Variants in PLCB4 observed in about 807,000 individuals in gnomAD.
The protein encoded by PLCB4 is 1-phosphatidylinositol 4,5-bisphosphate phosphodiesterase beta-4.
In PLCB4, 77 loss-of-function variants were observed where a neutral mutation model predicts 178.8. The observed-to-expected ratio is 0.43, with a 90% CI of 0.36 to 0.52. PLCB4 has a LOEUF of 0.52. Ranked by LOEUF, PLCB4 falls within the 20% of genes least tolerant of loss-of-function variation. The pLI is 0.00. For synonymous variants in PLCB4, 496 were observed against 490.8 expected (o/e 1.01, Z -0.14); for missense variants, 1,024 against 1,453.4 (o/e 0.70, Z 4.80).
chr20:9,401,473 A>G lies in PLCB4; in HGVS notation c.1511-17A>G, dbSNP rs767973940. ...AGTGGTTTGGTGTCATGGATTTTCC[A>G]TTTGTCTTTCACACAGCTGACCAAG... On this transcript the variant is annotated splice_polypyrimidine_tract_variant and intron_variant, in intron 19 of 39. Transcript: ENST00000378473. 1 of 1,587,622 alleles carries G rather than the reference A, an allele frequency of 6.3e-7. No individual in the cohort carries two copies. Among genetic ancestry groups the G allele is most frequent in the Non-Finnish European group, 8.6e-7 (1 of 1,156,424 alleles).
At chr20:9,148,768 A>G (rs1404560314) in intron 2 of PLCB4, among the ~76,000 whole-genome samples, 1 of 152,206 alleles carries the variant, frequency 6.6e-6, no homozygotes, top group East Asian at 1.9e-4. Context: ...TAGCACTGTC[A>G]AAGTAGCTGT....
chr20:9,358,333 C>CA (rs1186744016), intron 7 of PLCB4, among the ~76,000 whole-genome samples: 2 of 152,206 alleles, frequency 1.3e-5, no homozygotes, highest in African/African-American at 4.8e-5. Context: ...TCTGTGAAAA[C>CA]AGAGAGCCAA....
At chr20:9,273,446 G>T (rs1156973025) in intron 3 of PLCB4, among the ~76,000 whole-genome samples, 1 of 152,050 alleles carries the variant, frequency 6.6e-6, no homozygotes, top group Non-Finnish European at 1.5e-5. Flanking sequence ...AATTTTTGCA[G>T]TCTGACTCCA....
intron 32 of PLCB4, among the ~76,000 whole-genome samples, chr20:9,448,359 G>A (rs954316680): frequency 6.6e-6 from 1 of 152,110 alleles, no homozygotes; most frequent in African/African-American, 2.4e-5. Flanking sequence ...AAAATGACCT[G>A]CTGATGAAGA....
At chr20:9,426,161 T>C (rs943256116) in intron 28 of PLCB4, among the ~76,000 whole-genome samples, 1 of 152,226 alleles carries the variant, frequency 6.6e-6, no homozygotes, top group South Asian at 2.1e-4. Context: ...CTCATCAATA[T>C]ACATCATTAG....
At chr20:9,359,709 G>C (rs575472966) in intron 7 of PLCB4, among the ~76,000 whole-genome samples, 68 of 152,284 alleles carry the variant, frequency 4.5e-4, no homozygotes, top group Non-Finnish European at 8.4e-4. Context: ...CCAAGGACTG[G>C]AAAATGCGCT....
intron 32 of PLCB4, among the ~76,000 whole-genome samples, chr20:9,452,415 C>T (rs1224134001): frequency 1.3e-5 from 2 of 152,232 alleles, no homozygotes; most frequent in East Asian, 3.9e-4. Flanking sequence ...ACAACATGTA[C>T]ACCCATTCCA....
chr20:9,160,687 G>C (rs77932166), intron 2 of PLCB4, among the ~76,000 whole-genome samples: 3,455 of 152,268 alleles, frequency 0.023, 129 homozygotes, highest in African/African-American at 0.078. Context: ...CCGAGGTAAT[G>C]GTGGAGGTAA....
At chr20:9,086,648 T>C (rs939043946) in intron 1 of PLCB4, among the ~76,000 whole-genome samples, 1 of 152,088 alleles carries the variant, frequency 6.6e-6, no homozygotes, top group Non-Finnish European at 1.5e-5. Flanking sequence ...ACCCCTTCCA[T>C]GTGGTCTTCC....
At chr20:9,412,335 G>C (rs1458633207) in intron 25 of PLCB4, among the ~76,000 whole-genome samples, 1 of 152,116 alleles carries the variant, frequency 6.6e-6, no homozygotes, top group African/African-American at 2.4e-5. Context: ...AAAGCCCTAG[G>C]CTGGGAGTCT....
intron 4 of PLCB4, among the ~76,000 whole-genome samples, chr20:9,312,553 A>G (rs551173534): frequency 6.6e-6 from 1 of 152,280 alleles, no homozygotes; most frequent in African/African-American, 2.4e-5. Flanking sequence ...TTCTGAAATC[A>G]AATTGTGAGC....
intron 2 of PLCB4, among the ~76,000 whole-genome samples, chr20:9,104,375 A>T (rs2091286967): frequency 6.6e-6 from 1 of 152,210 alleles, no homozygotes; most frequent in South Asian, 2.1e-4. Context: ...GCTGGATTAT[A>T]GTCAAGCAGC....
chr20:9,465,059 C>G (rs2043673956), intron 35 of PLCB4, among the ~76,000 whole-genome samples: 1 of 152,208 alleles, frequency 6.6e-6, no homozygotes, highest in African/African-American at 2.4e-5. Flanking sequence ...CAAACCAAAT[C>G]CAGCAGCACA....
intron 7 of PLCB4, among the ~76,000 whole-genome samples, chr20:9,351,232 A>G (rs1042054946): frequency 2.0e-5 from 3 of 152,104 alleles, no homozygotes; most frequent in Non-Finnish European, 4.4e-5. Context: ...CATATGCACA[A>G]CGTGCAGGTT....
At chr20:9,096,872 C>T (rs973649025) in intron 2 of PLCB4, among the ~76,000 whole-genome samples, 1 of 152,112 alleles carries the variant, frequency 6.6e-6, no homozygotes, top group East Asian at 1.9e-4. Flanking sequence ...CATACAGAGC[C>T]TGCAAGAGGT....
intron 1 of PLCB4, among the ~76,000 whole-genome samples, chr20:9,092,932 C>T (rs770751432): frequency 3.3e-5 from 5 of 152,078 alleles, no homozygotes; most frequent in African/African-American, 7.2e-5. Context: ...GAAAGCAAAT[C>T]GTTTCAGCTT....
intron 25 of PLCB4, among the ~76,000 whole-genome samples, chr20:9,419,239 C>T (rs1026114489): frequency 9.9e-5 from 15 of 151,934 alleles, no homozygotes; most frequent in Admixed American, 2.6e-4. Flanking sequence ...TGTCAATTAC[C>T]TTTGATTGTG....
At chr20:9,437,529 C>G (rs2041849002) in intron 30 of PLCB4, among the ~76,000 whole-genome samples, 2 of 152,196 alleles carry the variant, frequency 1.3e-5, no homozygotes, top group African/African-American at 4.8e-5. Context: ...CACAAAGAAT[C>G]ACGTGTCTCA....
chr20:9,423,679 C>T, intron 27 of PLCB4, 69 bp from the exon 28 acceptor site: 5 of 1,218,654 alleles, frequency 4.1e-6, no homozygotes, highest in Non-Finnish European at 6.0e-6. Flanking sequence ...ATTTGGTCCA[C>T]ACTCCTTAGA....
Sources: allele counts gnomAD v4.1 joint callset (sites outside exome capture counted in the v4.1 genomes callset), GRCh38; gene constraint gnomAD v4.1.1; transcripts MANE v1.5; gene names NCBI Gene and HGNC (gene_info 2026-07-23, HGNC 2026-07-21).